Variants in BANP observed in about 807,000 individuals in gnomAD.
BANP encodes protein BANP.
In BANP, 11 loss-of-function variants were observed where a neutral mutation model predicts 68.1. The observed-to-expected ratio is 0.16, with a 90% CI of 0.10 to 0.27. The LOEUF (loss-of-function observed/expected upper bound fraction) is 0.27. Ranked by LOEUF, BANP falls within the 10% of genes least tolerant of loss-of-function variation. The pLI, the probability that BANP is intolerant of heterozygous loss-of-function variation, is 1.00. For synonymous variants in BANP, 329 were observed against 303.2 expected, an observed-to-expected ratio of 1.09 and a Z score of -0.88; for missense variants, 504 against 722.7, an observed-to-expected ratio of 0.70 and a Z score of 3.47.
chr16:87,952,612 A>G (rs763046402), intron 1 of BANP: 3 of 152,218 alleles, frequency 2.0e-5, no homozygotes, highest in Non-Finnish European at 2.9e-5. Flanking sequence ...GAAACGTCAA[A>G]TAAAAACTGG....
intron 7 of BANP, among the ~76,000 whole-genome samples, chr16:88,019,583 GATCTC>G (rs1567772219): frequency 0.11 from 2,409 of 21,858 alleles, 421 homozygotes; most frequent in Non-Finnish European, 0.19. Flanking sequence ...GGGCGTCCGG[GATCTC>G]GGCGTGCGGG....
At position 88,038,118 on chromosome 16, in the gene BANP, A is replaced by C. The variant is rs563904210; in HGVS notation, c.1311+107A>C. 2.3e-4 allele frequency: 138 copies of C among 606,422 alleles called. 1 individual carries two copies. The highest frequency in any genetic ancestry group is 1.9e-3 in the South Asian group (126 of 67,984). The allele number at this position is 606,422 out of a possible 1,614,324, so 37.6% of individuals were successfully genotyped here. On this transcript the variant is annotated intron_variant, in intron 11 of 13. Transcript: ENST00000682872. ...GGTGAGTGCCCTGGTCCCCATGTAC[A>C]TGTGGGCATTGCGCTGCCGAGGGGT...
chr16:88,039,417 C>T (rs1189698746), intron 11 of BANP, among the ~76,000 whole-genome samples: 6 of 143,674 alleles, frequency 4.2e-5, no homozygotes, highest in South Asian at 2.3e-4. Flanking sequence ...GCTGGCGGTC[C>T]GTCTTCGTTT....
chr16:88,001,038 G>A (rs1289235880), intron 4 of BANP, among the ~76,000 whole-genome samples: 2 of 56,960 alleles, frequency 3.5e-5, no homozygotes, highest in Admixed American at 2.0e-4. Flanking sequence ...ACGCACGTGC[G>A]CGGCTGTACT....
chr16:87,973,432 G>T (rs75806325), intron 1 of BANP, among the ~76,000 whole-genome samples: 1 of 152,108 alleles, frequency 6.6e-6, no homozygotes, highest in Non-Finnish European at 1.5e-5. Flanking sequence ...GACAGCACTT[G>T]GCTCCTTCTT....
intron 8 of BANP, among the ~76,000 whole-genome samples, 162 bp from the exon 9 acceptor site, chr16:88,032,947 T>A (rs2078520548): frequency 6.6e-6 from 1 of 152,230 alleles, no homozygotes. Context: ...CTGGTAGTGA[T>A]CTCTGCAGAA....
At position 88,003,699 on chromosome 16, in the gene BANP, C is replaced by T. The variant is rs2070110392; in HGVS notation, c.363-596C>T. 5.6e-6 allele frequency: 2 copies of T among 356,932 alleles called. No homozygotes were observed. Among genetic ancestry groups the T allele is most frequent in the Non-Finnish European group, 5.5e-6 (1 of 181,944 alleles). The allele number at this position is 356,932 out of a possible 1,614,324, so 22.1% of individuals were successfully genotyped here. A position where few individuals can be genotyped will look rare whatever the true frequency, so the allele number is the denominator to read the frequency against. On this transcript the variant is annotated intron_variant, in intron 4 of 13. Coordinates refer to ENST00000682872, the MANE Select transcript of BANP (RefSeq NM_001386991.1). The surrounding 1 kb of genome is among the most constrained non-coding windows in gnomAD (Gnocchi z 6.1). ...TTTTGTAGAATCTTTTCCTTCAAAG[C>T]AGAACCCTGAGCCCTTTGGTTGTAG...
chr16:88,027,800 G>A, intron 8 of BANP, 150 bp downstream of exon 8: 1 of 948,754 alleles, frequency 1.1e-6, no homozygotes, highest in Non-Finnish European at 1.5e-6. Context: ...CGGAGCAGTG[G>A]AGCCGCAGGA....
intron 6 of BANP, among the ~76,000 whole-genome samples, chr16:88,016,057 A>G (rs1458360486): frequency 1.3e-5 from 2 of 152,344 alleles, no homozygotes; most frequent in Admixed American, 1.3e-4. Flanking sequence ...AGGGGCCACA[A>G]GCAAATCTCT....
chr16:88,065,901 G>C (rs1467901124), intron 12 of BANP, among the ~76,000 whole-genome samples: 1 of 152,002 alleles, frequency 6.6e-6, no homozygotes, highest in Admixed American at 6.6e-5. Flanking sequence ...CCTCTGGGAG[G>C]GCCCCAGCCA....
At chr16:88,072,900 T>C (rs1395068665) in intron 13 of BANP, among the ~76,000 whole-genome samples, 1 of 152,240 alleles carries the variant, frequency 6.6e-6, no homozygotes, top group East Asian at 1.9e-4. Flanking sequence ...TTGTCCTTGT[T>C]CTACCTCCAG....
At chr16:88,045,482 G>T (rs573197330) in intron 11 of BANP, among the ~76,000 whole-genome samples, 12 of 152,362 alleles carry the variant, frequency 7.9e-5, no homozygotes, top group African/African-American at 2.9e-4. Flanking sequence ...CCAGAGCCCA[G>T]GCTCTTCCAG....
chr16:88,067,283 C>T (rs1310817862), intron 12 of BANP, among the ~76,000 whole-genome samples: 1 of 152,100 alleles, frequency 6.6e-6, no homozygotes, highest in Non-Finnish European at 1.5e-5. Flanking sequence ...GGGTGTGGGG[C>T]GCCACAGTTG....
intron 2 of BANP, among the ~76,000 whole-genome samples, chr16:87,976,154 A>G (rs997012372): frequency 1.6e-4 from 25 of 152,224 alleles, no homozygotes; most frequent in Admixed American, 1.6e-3. Context: ...TATAGAGAAG[A>G]TCCTTGCATA....
intron 11 of BANP, among the ~76,000 whole-genome samples, chr16:88,043,281 C>G (rs2081250308): frequency 6.6e-6 from 1 of 152,214 alleles, no homozygotes; most frequent in African/African-American, 2.4e-5. Context: ...TTCGGGTGAG[C>G]TGCGTAGAGC....
chr16:87,970,632 C>A (rs956299891), intron 1 of BANP, among the ~76,000 whole-genome samples: 3 of 152,120 alleles, frequency 2.0e-5, no homozygotes, highest in Admixed American at 1.3e-4. Flanking sequence ...CCTTTCAACC[C>A]AGTGAAGTTG....
intron 1 of BANP, among the ~76,000 whole-genome samples, chr16:87,952,993 A>G (rs1158963114): frequency 6.6e-6 from 1 of 152,024 alleles, no homozygotes; most frequent in Admixed American, 6.6e-5. Context: ...TGGGGCTTTA[A>G]TCTTTTTAAA....
At chr16:88,024,185 C>T (rs1287364427) in intron 7 of BANP, among the ~76,000 whole-genome samples, 7 of 152,148 alleles carry the variant, frequency 4.6e-5, no homozygotes, top group African/African-American at 1.7e-4. Context: ...CGTGTTCTTC[C>T]CGTCTCCCCG....
At chr16:88,027,754 G>A in intron 8 of BANP, 104 bp downstream of exon 8, 1 of 1,386,044 alleles carries the variant, frequency 7.2e-7, no homozygotes. Context: ...TCCACCAGTG[G>A]CCGGGAGCCG....
Sources: allele counts gnomAD v4.1 joint callset (sites outside exome capture counted in the v4.1 genomes callset), GRCh38; gene constraint gnomAD v4.1.1; non-coding constraint Gnocchi (gnomAD v3.1); transcripts MANE v1.5; gene names NCBI Gene and HGNC (gene_info 2026-07-23, HGNC 2026-07-21).